Variants in GRK3 observed in about 807,000 individuals in gnomAD.
GRK3 encodes the protein G protein-coupled receptor kinase 3.
A neutral mutation model predicts 95.7 loss-of-function variants in GRK3; 54 were observed. The ratio of observed to expected loss-of-function variants is 0.56; its 90% CI spans 0.45 to 0.71. The LOEUF is 0.71. Among genes scored for constraint, GRK3 ranks in the 30% least tolerant of loss-of-function variants. The pLI is 0.00. For missense variants in GRK3, 649 were observed against 851.2 expected (o/e 0.76, Z 2.96); for synonymous variants, 281 against 290.8 (o/e 0.97, Z 0.34).
Position 25,704,553 on chromosome 22 carries a change from G to A in GRK3, c.1328+344G>A, listed in dbSNP as rs541197981. On this transcript the variant is annotated intron_variant, in intron 15 of 20. Transcript: ENST00000324198. ...AGCCTCCTGAGTAGCTAGGACCACT[G>A]GGGTGTGCTACCACGCCTGGCTAAT... is the stretch of plus-strand genomic sequence containing the variant. Among the ~76,000 whole-genome samples the A allele has an allele frequency of 3.3e-5, 5 of 152,252 alleles. No individual in the cohort carries two copies. In the South Asian group the frequency reaches 8.3e-4, roughly 25 times the overall value.
chr22:25,619,348 C>T (rs1167967032), intron 2 of GRK3, among the ~76,000 whole-genome samples: 2 of 152,124 alleles, frequency 1.3e-5, no homozygotes, highest in Non-Finnish European at 2.9e-5. Context: ...TCTTGGCCCC[C>T]TTTTACAGGC....
chr22:25,723,010 A>G lies in GRK3; in HGVS notation c.*560A>G, dbSNP rs2085446012. On this transcript the variant is annotated 3_prime_UTR_variant, in exon 21 of 21. Transcript: ENST00000324198. ...ACTTGGGCCCTCCTCTGGGAGCCGCACCCACATGACTGCCCTGCCTCTGAC... is the reference window on the plus strand; with the variant it reads ...ACTTGGGCCCTCCTCTGGGAGCCGCGCCCACATGACTGCCCTGCCTCTGAC... 1 of 152,430 alleles carries G rather than the reference A, an allele frequency of 6.6e-6. No homozygotes were observed. Among genetic ancestry groups the G allele is most frequent in the Admixed American group, 6.5e-5 (1 of 15,304 alleles). The allele number at this position is 152,430 out of a possible 1,614,324, so 9.4% of individuals were successfully genotyped here.
chr22:25,653,819 G>A (rs1056399558), intron 3 of GRK3, among the ~76,000 whole-genome samples: 14 of 152,150 alleles, frequency 9.2e-5, no homozygotes, highest in Non-Finnish European at 1.5e-5. Context: ...CTCCCAAGTA[G>A]CTGGGACTAC....
At chr22:25,711,558 A>G (rs2085343763) in intron 17 of GRK3, among the ~76,000 whole-genome samples, 1 of 152,158 alleles carries the variant, frequency 6.6e-6, no homozygotes, top group South Asian at 2.1e-4. Flanking sequence ...AACAGCATGA[A>G]TCATTTTGCA....
intron 1 of GRK3, among the ~76,000 whole-genome samples, chr22:25,592,264 T>C (rs1932517805): frequency 6.6e-6 from 1 of 152,232 alleles, no homozygotes. Context: ...CATATGCTTA[T>C]TTGCCACCCA....
intron 4 of GRK3, 91 bp downstream of exon 4, chr22:25,661,768 G>C: frequency 1.2e-6 from 1 of 808,514 alleles, no homozygotes. Context: ...CAGTAGAAAG[G>C]TGTTTAAAAT....
At chr22:25,697,930 A>G (rs2085222719) in intron 13 of GRK3, among the ~76,000 whole-genome samples, 1 of 152,234 alleles carries the variant, frequency 6.6e-6, no homozygotes, top group African/African-American at 2.4e-5. Flanking sequence ...CAGATAGGAT[A>G]TAGCACTGGA....
chr22:25,632,142 T>A (rs913299204), intron 2 of GRK3, among the ~76,000 whole-genome samples: 1 of 152,246 alleles, frequency 6.6e-6, no homozygotes, highest in African/African-American at 2.4e-5. Context: ...CAAAGAGGCT[T>A]TACAAATTGC....
chr22:25,712,299 G>A (rs1248738098), intron 17 of GRK3, among the ~76,000 whole-genome samples: 4 of 152,244 alleles, frequency 2.6e-5, no homozygotes, highest in Non-Finnish European at 5.9e-5. Context: ...AGCAGTGGCT[G>A]GGGTCAGCAT....
At chr22:25,629,016 G>A (rs903665965) in intron 2 of GRK3, among the ~76,000 whole-genome samples, 14 of 151,994 alleles carry the variant, frequency 9.2e-5, no homozygotes, top group African/African-American at 3.4e-4. Flanking sequence ...CAGGAAAGAG[G>A]GGAAAACTTT....
At chr22:25,574,905 G>A (rs1360201167) in intron 1 of GRK3, among the ~76,000 whole-genome samples, 1 of 152,038 alleles carries the variant, frequency 6.6e-6, no homozygotes, top group Non-Finnish European at 1.5e-5. Flanking sequence ...TTTCTGTTTT[G>A]TTTCTAGTGG....
intron 1 of GRK3, among the ~76,000 whole-genome samples, chr22:25,587,219 T>A (rs1932343877): frequency 6.6e-6 from 1 of 152,056 alleles, no homozygotes; most frequent in Non-Finnish European, 1.5e-5. Flanking sequence ...ATGAGATGAT[T>A]ACATGGTCCG....
Position 25,690,291 on chromosome 22 carries a change from G to A in GRK3, c.1052+8G>A, listed in dbSNP as rs1462520887. ...GAAGCCTCATGCGAGTGTGTAAGTA[G>A]TGCGTCAACTTCAGTTCACCACCAT... On this transcript the variant is annotated splice_region_variant and intron_variant, in intron 12 of 20. Coordinates refer to ENST00000324198, the MANE Select transcript of GRK3 (RefSeq NM_005160.4). 2.5e-6 allele frequency: 4 copies of A among 1,603,872 alleles called. No individual in the cohort carries two copies. Among genetic ancestry groups the A allele is most frequent in the African/African-American group, 2.7e-5 (2 of 74,698 alleles).
chr22:25,633,166 C>A (rs2084676398), intron 2 of GRK3, among the ~76,000 whole-genome samples: 1 of 152,092 alleles, frequency 6.6e-6, no homozygotes, highest in Non-Finnish European at 1.5e-5. Context: ...ATCCACCCGC[C>A]TCGGCCTCCC....
chr22:25,710,135 T>C (rs1323205084), intron 16 of GRK3, among the ~76,000 whole-genome samples, 171 bp downstream of exon 16: 2 of 152,172 alleles, frequency 1.3e-5, no homozygotes, highest in South Asian at 2.1e-4. Flanking sequence ...CACTCTCTTG[T>C]TACCCGAGAG....
intron 1 of GRK3, among the ~76,000 whole-genome samples, chr22:25,603,108 G>A (rs1601465747): frequency 6.6e-6 from 1 of 152,168 alleles, no homozygotes; most frequent in East Asian, 1.9e-4. Flanking sequence ...GTAGAGGCGG[G>A]GTTTTACCAT....
chr22:25,614,222 G>T (rs2084520805), intron 2 of GRK3, among the ~76,000 whole-genome samples: 1 of 152,024 alleles, frequency 6.6e-6, no homozygotes, highest in South Asian at 2.1e-4. Context: ...CAACCTCCTG[G>T]GCTCAAGCAG....
chr22:25,722,702 G>C lies in GRK3; in HGVS notation c.*252G>C, dbSNP rs1414981646. 1 of 382,180 alleles carries C rather than the reference G, an allele frequency of 2.6e-6. No individual in the cohort carries two copies. Among genetic ancestry groups the C allele is most frequent in the African/African-American group, 2.0e-5 (1 of 49,440 alleles). 23.7% of individuals were successfully genotyped at this position (382,180 alleles called of 1,614,324 possible). On this transcript the variant is annotated 3_prime_UTR_variant, in exon 21 of 21. Coordinates refer to ENST00000324198, the MANE Select transcript of GRK3 (RefSeq NM_005160.4). ...GGTACCTATGAACCTAGAACTTGAA[G>C]TGACTCCTACTTATCACGTAAATTT...
At chr22:25,595,904 A>G (rs1207141965) in intron 1 of GRK3, among the ~76,000 whole-genome samples, 1 of 152,164 alleles carries the variant, frequency 6.6e-6, no homozygotes, top group Non-Finnish European at 1.5e-5. Flanking sequence ...CTATGATCAC[A>G]CCACTGTACT....
Sources: gnomAD v4.1 joint callset for allele counts (sites outside exome capture counted in the v4.1 genomes callset) on GRCh38, gnomAD v4.1.1 for gene constraint, MANE v1.5 for transcripts, NCBI Gene and HGNC (gene_info 2026-07-23, HGNC 2026-07-21) for gene names.